VPS13A: variants seen among roughly 807,000 people sequenced by gnomAD.
The protein encoded by VPS13A is vacuolar protein sorting 13 homolog A, also known as intermembrane lipid transfer protein VPS13A.
VPS13A carries 264 observed loss-of-function variants against 390.9 expected under a neutral mutation model. That is an observed-to-expected ratio of 0.68 (90% CI 0.61 to 0.75). The LOEUF (loss-of-function observed/expected upper bound fraction) is 0.75, where lower values mean the gene tolerates loss of function less well. Ranked by LOEUF, VPS13A falls within the 30% of genes least tolerant of loss-of-function variation. The probability of loss-of-function intolerance (pLI) is 0.00; values close to 1 mark genes in which losing one functional copy is unlikely to be tolerated. For synonymous variants in VPS13A, 1,231 were observed against 1,227.1 expected, an observed-to-expected ratio of 1.00 and a Z score of -0.07; for missense variants, 3,409 against 3,733.9, an observed-to-expected ratio of 0.91 and a Z score of 2.27.
intron 67 of VPS13A, among the ~76,000 whole-genome samples, chr9:77,379,051 G>C (rs114298865): frequency 0.011 from 1,156 of 107,998 alleles, 21 homozygotes; most frequent in African/African-American, 0.038. Context: ...TATCATACTT[G>C]TATATTTTCA....
At position 77,323,123 on chromosome 9, in the gene VPS13A, C is replaced by G. The variant is rs755934324; in HGVS notation, c.5887C>G (p.Leu1963Val). 1.9e-6 allele frequency: 3 copies of G among 1,613,494 alleles called. No homozygotes were observed. Among genetic ancestry groups the G allele is most frequent in the South Asian group, 2.2e-5 (2 of 91,068 alleles). The change falls in exon 45 of 72, where the codon CTG becomes GTG. Residue 1963 changes from leucine to valine, a missense_variant. Coordinates refer to ENST00000360280, the MANE Select transcript of VPS13A (RefSeq NM_033305.3). Reference sequence around the variant, plus strand: ...TCCTTTAACAAAAGTGGGACGACGTCTGTACACTGTAAGACACAGAGAGTC... The same window carrying G: ...TCCTTTAACAAAAGTGGGACGACGTGTGTACACTGTAAGACACAGAGAGTC... ...KIPLTKVGRR[L>V]YTVRHRESGV...
rs747184308 is a variant in VPS13A, at chr9:77,319,690, CTA to C, written c.5415+19_5415+20del. ...GGTATCAAGGTATATCTATATATGT[CTA>C]TGTGTGTATATATATATATATGTAT... On this transcript the variant is annotated intron_variant, in intron 42 of 71. Coordinates refer to ENST00000360280, the MANE Select transcript of VPS13A (RefSeq NM_033305.3). The C allele has an allele frequency of 1.0e-5, 13 of 1,280,938 alleles. No homozygotes were observed. In the African/African-American group the frequency reaches 1.2e-4, roughly 12 times the overall value. 79.3% of individuals were successfully genotyped at this position (1,280,938 alleles called of 1,614,324 possible). A position where few individuals can be genotyped will look rare whatever the true frequency, so the allele number is the denominator to read the frequency against.
At chr9:77,402,259 CTTCT>C (rs1486249901) in intron 68 of VPS13A, among the ~76,000 whole-genome samples, 8 of 152,226 alleles carry the variant, frequency 5.3e-5, no homozygotes, top group South Asian at 4.1e-4. Context: ...AGTTTTTTAA[CTTCT>C]TTCTCAGATA....
intron 26 of VPS13A, among the ~76,000 whole-genome samples, chr9:77,278,761 A>G (rs1028512252): frequency 2.0e-5 from 3 of 152,168 alleles, no homozygotes; most frequent in African/African-American, 7.2e-5. Flanking sequence ...TTTTCTAGCA[A>G]CCGTAAGTCA....
chr9:77,195,474 C>G (rs186506323), intron 1 of VPS13A, among the ~76,000 whole-genome samples: 140 of 152,238 alleles, frequency 9.2e-4, no homozygotes, highest in Admixed American at 3.3e-3. Flanking sequence ...CAGTGGCTCA[C>G]GCCTGTAATC....
rs145122926 is a variant in VPS13A at position 77,329,405 on chromosome 9, T to C, written c.5992-2605T>C. ...AATCATTTCTAGCTTTTGCTTTTGA[T>C]TTAAAAGTGACAGACATGTGCCTCT... On this transcript the variant is annotated intron_variant, in intron 45 of 71. Coordinates refer to ENST00000360280, the MANE Select transcript of VPS13A (RefSeq NM_033305.3). 2.4e-4 allele frequency among the ~76,000 whole-genome samples: 37 copies of C among 152,348 alleles called. No homozygotes were observed. The East Asian group carries it at 6.2e-3, about 25-fold the overall frequency.
At chr9:77,275,339 G>C (rs554040478) in intron 24 of VPS13A, among the ~76,000 whole-genome samples, 159 bp from the exon 25 acceptor site, 2 of 152,116 alleles carry the variant, frequency 1.3e-5, no homozygotes, top group Admixed American at 1.3e-4. Flanking sequence ...AAAAAGTACA[G>C]TAATGTCTAT....
chr9:77,247,259 G>C lies in VPS13A; in HGVS notation c.1901G>C (p.Gly634Ala). ...ATAGAAAAGATTTACATTTTTCCAG[G>C]TCTACTGTATATTATTGAAACACAG... ...LEEFRSKTAT[G>A]LLYIIETQKV... is the part of the protein sequence containing the mutation. The change falls in exon 20 of 72, where the codon GGT becomes GCT. Residue 634 changes from glycine to alanine, a missense_variant and splice_region_variant. By Grantham distance (60) the Gly-to-Ala change is moderately conservative. Transcript: ENST00000360280. 6.3e-7 allele frequency: 1 copy of C among 1,579,116 alleles called. No individual in the cohort carries two copies. Among genetic ancestry groups the C allele is most frequent in the Non-Finnish European group, 8.6e-7 (1 of 1,158,282 alleles).
intron 42 of VPS13A, 105 bp downstream of exon 42, chr9:77,319,778 A>G: frequency 1.6e-6 from 1 of 625,030 alleles, no homozygotes; most frequent in East Asian, 3.0e-5. Context: ...GAGAAGAAGG[A>G]ACAGAGATTT....
intron 23 of VPS13A, 30 bp downstream of exon 23, chr9:77,260,254 A>G: frequency 2.5e-6 from 4 of 1,605,768 alleles, no homozygotes; most frequent in Non-Finnish European, 3.4e-6. Flanking sequence ...TAATATAAGC[A>G]TGAATTAAGA....
chr9:77,357,316 C>CAAAAAAA (rs1156801817), intron 55 of VPS13A, among the ~76,000 whole-genome samples: 150 of 44,562 alleles, frequency 3.4e-3, no homozygotes, highest in Non-Finnish European at 3.8e-3. Context: ...GACTCTGTCT[C>CAAAAAAA]AAAAAAAAAA....
chr9:77,262,277 T>C (rs1338869897), intron 23 of VPS13A, among the ~76,000 whole-genome samples: 1 of 152,148 alleles, frequency 6.6e-6, no homozygotes, highest in Non-Finnish European at 1.5e-5. Flanking sequence ...TTGTATTATG[T>C]GACTTTTCCC....
rs777694054 is a variant in VPS13A, at chr9:77,344,201, G to A, written c.7075G>A (p.Val2359Ile). 6 of 1,612,210 alleles carry A rather than the reference G, an allele frequency of 3.7e-6. No individual in the cohort carries two copies. The African/African-American group carries it at 6.7e-5, about 18-fold the overall frequency. Reference sequence around the variant, plus strand: ...TGCTTCTAGTAAACTTCTTATTCAAGTCGAAAGGAGTGAAGATCCTCCCAA... The same window carrying A: ...TGCTTCTAGTAAACTTCTTATTCAAATCGAAAGGAGTGAAGATCCTCCCAA... Reference protein sequence around the residue: ...EYASSKLLIQVERSEDPPKRI... With the variant: ...EYASSKLLIQIERSEDPPKRI... The change falls in exon 51 of 72, where the codon GTC (valine) becomes ATC (isoleucine). Residue 2359 changes from valine to isoleucine, a missense_variant. Physicochemically the swap from Val to Ile is conservative, Grantham distance 29. Transcript: ENST00000360280.
rs564983917 is a variant in VPS13A at position 77,262,823 on chromosome 9, C to T, written c.2427+2599C>T. On this transcript the variant is annotated intron_variant, in intron 23 of 71. Transcript: ENST00000360280. ...ATATATGTGCAGCATTTTCTTTATC[C>T]AGTCTATCATTGATGGGCATTTGGG... is the stretch of plus-strand genomic sequence containing the variant. Among the ~76,000 whole-genome samples the T allele has an allele frequency of 2.0e-4, 31 of 152,258 alleles. No homozygotes were observed. The South Asian group carries it at 6.4e-3, about 32-fold the overall frequency.
chr9:77,399,932 C>CTA (rs1160665339), intron 68 of VPS13A, among the ~76,000 whole-genome samples: 4 of 152,082 alleles, frequency 2.6e-5, no homozygotes, highest in Non-Finnish European at 5.9e-5. Flanking sequence ...ATTTTATTTA[C>CTA]TATATCTTAT....
chr9:77,297,338 T>C (rs1197957793), intron 33 of VPS13A, among the ~76,000 whole-genome samples: 1 of 152,136 alleles, frequency 6.6e-6, no homozygotes, highest in East Asian at 1.9e-4. Flanking sequence ...TCATATAAAC[T>C]AGCTACCTTG....
intron 47 of VPS13A, 25 bp from the exon 48 acceptor site, chr9:77,339,491 T>C: frequency 1.4e-6 from 2 of 1,468,442 alleles, no homozygotes; most frequent in South Asian, 2.7e-5. Context: ...TAAATTTTGT[T>C]TTGTTTTTTT....
At chr9:77,187,793 A>G (rs975813791) in intron 1 of VPS13A, among the ~76,000 whole-genome samples, 3 of 151,986 alleles carry the variant, frequency 2.0e-5, no homozygotes, top group African/African-American at 7.3e-5. Flanking sequence ...GGTTTGATGT[A>G]TAAATTATTT....
In VPS13A at chr9:77,411,660, C is replaced by CAAAAAAAAAAAAAAAA. The variant is rs1169254413; in HGVS notation, c.9474+4063_9474+4078dup. On this transcript the variant is annotated intron_variant, in intron 71 of 71. Transcript: ENST00000360280. ...CCTAGGCAACAGCAAAACTCCATCTCAAAAAAAAAAAAAAAAAAAAAAAAA... is the reference window on the plus strand; with the variant it reads ...CCTAGGCAACAGCAAAACTCCATCTCAAAAAAAAAAAAAAAAAAAAAAAAAAAAAAAAAAAAAAAAA... Among the ~76,000 whole-genome samples, 74 of 33,914 alleles carry CAAAAAAAAAAAAAAAA rather than the reference C, an allele frequency of 2.2e-3. 4 individuals are homozygous for CAAAAAAAAAAAAAAAA. Among genetic ancestry groups the CAAAAAAAAAAAAAAAA allele is most frequent in the African/African-American group, 3.1e-3 (26 of 8,326 alleles). 22.2% of individuals were successfully genotyped at this position (33,914 alleles called of 152,430 possible).
Sources: gnomAD v4.1 joint callset for allele counts (sites outside exome capture counted in the v4.1 genomes callset) on GRCh38, gnomAD v4.1.1 for gene constraint, MANE v1.5 for transcripts, NCBI Gene and HGNC (gene_info 2026-07-23, HGNC 2026-07-21) for gene names.